The following SLC22A3 variants were observed in gnomAD, a reference collection of about 807,000 sequenced individuals.
SLC22A3 encodes the protein solute carrier family 22 member 3, also known as EMT organic cation transporter 3.
In SLC22A3, 51 loss-of-function variants were observed where a neutral mutation model predicts 59.1. The ratio of observed to expected loss-of-function variants is 0.86; its 90% CI spans 0.69 to 1.09. The LOEUF is 1.09. Among genes scored for constraint, SLC22A3 ranks in the 50% least tolerant of loss-of-function variants. The pLI is 0.00. For missense variants in SLC22A3, 711 were observed against 726.3 expected, an observed-to-expected ratio of 0.98 and a Z score of 0.24; for synonymous variants, 325 against 292.0, an observed-to-expected ratio of 1.11 and a Z score of -1.15.
chr6:160,450,909 C>T, intron 10 of SLC22A3, 87 bp from the exon 11 acceptor site: 1 of 1,249,828 alleles, frequency 8.0e-7, no homozygotes, highest in South Asian at 1.3e-5. Context: ...TTGATCAAAA[C>T]CAGCTATACT....
intron 2 of SLC22A3, among the ~76,000 whole-genome samples, chr6:160,405,022 A>G (rs372221506): frequency 2.7e-4 from 41 of 152,198 alleles, no homozygotes; most frequent in African/African-American, 8.7e-4. Flanking sequence ...CAAAAGCATA[A>G]TCCATGAAAA....
chr6:160,404,072 C>G (rs968388302), intron 2 of SLC22A3, among the ~76,000 whole-genome samples: 3 of 151,514 alleles, frequency 2.0e-5, no homozygotes, highest in Non-Finnish European at 4.4e-5. Context: ...CTCGCTAATA[C>G]AATAAATAAG....
intron 5 of SLC22A3, among the ~76,000 whole-genome samples, chr6:160,420,958 C>T (rs535489260): frequency 3.3e-5 from 5 of 152,332 alleles, no homozygotes; most frequent in South Asian, 4.1e-4. Context: ...TTTCCGCACC[C>T]CTTCCTCCGC....
intron 1 of SLC22A3, among the ~76,000 whole-genome samples, chr6:160,391,249 A>G (rs1368583226): frequency 6.6e-6 from 1 of 152,216 alleles, no homozygotes; most frequent in Admixed American, 6.5e-5. Context: ...TCCAGCAGGT[A>G]AATAGTTGAT....
intron 1 of SLC22A3, among the ~76,000 whole-genome samples, chr6:160,354,703 C>T (rs1784771970): frequency 6.6e-6 from 1 of 152,188 alleles, no homozygotes; most frequent in African/African-American, 2.4e-5. Flanking sequence ...GTCCTATCTA[C>T]TCAGAAGGTT....
rs1788951410 is a variant in SLC22A3 at position 160,451,211 on chromosome 6, A to G, written c.*155A>G. ...CTCAATCTATCCAGAGTATTTTTATATAATGTTGGATGAGTTAGGATTTGT... is the reference window on the plus strand; with the variant it reads ...CTCAATCTATCCAGAGTATTTTTATGTAATGTTGGATGAGTTAGGATTTGT... On this transcript the variant is annotated 3_prime_UTR_variant, in exon 11 of 11. Transcript: ENST00000275300. 2 of 683,312 alleles carry G rather than the reference A, an allele frequency of 2.9e-6. No homozygotes were observed. Among genetic ancestry groups the G allele is most frequent in the Admixed American group, 2.4e-5 (1 of 41,640 alleles). 42.3% of individuals were successfully genotyped at this position (683,312 alleles called of 1,614,324 possible). A position where few individuals can be genotyped will look rare whatever the true frequency, so the allele number is the denominator to read the frequency against.
intron 1 of SLC22A3, among the ~76,000 whole-genome samples, chr6:160,392,186 T>C (rs1351267490): frequency 6.6e-6 from 1 of 152,156 alleles, no homozygotes; most frequent in Non-Finnish European, 1.5e-5. Flanking sequence ...CCCAGTCATG[T>C]GCCAGGCAGA....
In SLC22A3 at chr6:160,431,941, A is replaced by G. The variant is rs116857939; in HGVS notation, c.976-4839A>G. ...GCCAGACCAGGATCTCAACAATCTTATTAAACCATGGTTTTCTTCTCCTCT... is the reference window on the plus strand; with the variant it reads ...GCCAGACCAGGATCTCAACAATCTTGTTAAACCATGGTTTTCTTCTCCTCT... On this transcript the variant is annotated intron_variant, in intron 5 of 10. Transcript: ENST00000275300. 7.0e-3 allele frequency among the ~76,000 whole-genome samples: 1,070 copies of G among 152,304 alleles called. 4 individuals carry two copies. Among genetic ancestry groups the G allele is most frequent in the Non-Finnish European group, 0.012 (845 of 68,020 alleles).
At chr6:160,420,279 T>C (rs1018234862) in intron 5 of SLC22A3, among the ~76,000 whole-genome samples, 1 of 152,190 alleles carries the variant, frequency 6.6e-6, no homozygotes, top group African/African-American at 2.4e-5. Flanking sequence ...TAGGCAGACT[T>C]GTGGGATGCC....
intron 5 of SLC22A3, among the ~76,000 whole-genome samples, chr6:160,413,279 T>A (rs1035832485): frequency 6.6e-6 from 1 of 152,174 alleles, no homozygotes; most frequent in Non-Finnish European, 1.5e-5. Context: ...ACCGTAGAGA[T>A]CATGACAACA....
At chr6:160,364,242 A>G (rs1785124885) in intron 1 of SLC22A3, among the ~76,000 whole-genome samples, 1 of 152,144 alleles carries the variant, frequency 6.6e-6, no homozygotes, top group South Asian at 2.1e-4. Flanking sequence ...ATATTTGTAC[A>G]CTCCATGTGG....
intron 1 of SLC22A3, among the ~76,000 whole-genome samples, chr6:160,354,156 G>A (rs1389040393): frequency 6.6e-6 from 1 of 152,128 alleles, no homozygotes; most frequent in Non-Finnish European, 1.5e-5. Context: ...TTGGACCCAC[G>A]GGTTATTTTT....
At chr6:160,375,968 A>G (rs1004460813) in intron 1 of SLC22A3, among the ~76,000 whole-genome samples, 9 of 152,148 alleles carry the variant, frequency 5.9e-5, no homozygotes, top group Admixed American at 5.9e-4. Context: ...GATAATAATC[A>G]TGTCTACCTC....
intron 3 of SLC22A3, among the ~76,000 whole-genome samples, chr6:160,407,461 A>G (rs1004586280): frequency 1.3e-5 from 2 of 152,180 alleles, no homozygotes; most frequent in African/African-American, 4.8e-5. Flanking sequence ...CTACACTGTT[A>G]TAATATGGTT....
At chr6:160,447,839 C>T (rs765628168) in intron 10 of SLC22A3, 21 bp downstream of exon 10, 2 of 1,547,468 alleles carry the variant, frequency 1.3e-6, no homozygotes, top group Non-Finnish European at 1.8e-6. Context: ...AAATTCAATG[C>T]ACCCTAAATA....
intron 5 of SLC22A3, among the ~76,000 whole-genome samples, chr6:160,416,937 G>C (rs938815639): frequency 2.0e-5 from 3 of 152,232 alleles, no homozygotes; most frequent in African/African-American, 7.2e-5. Context: ...CCACACTTCT[G>C]GTGGTAGTAG....
intron 1 of SLC22A3, 86 bp downstream of exon 1, chr6:160,348,934 G>C (rs1474306229): frequency 1.3e-6 from 2 of 1,531,338 alleles, no homozygotes; most frequent in East Asian, 4.9e-5. Context: ...GACGCTGGCC[G>C]CCAGGGGAGG....
intron 7 of SLC22A3, among the ~76,000 whole-genome samples, chr6:160,440,671 A>T (rs1510230): frequency 0.44 from 66,849 of 151,986 alleles, 15,109 homozygotes; most frequent in South Asian, 0.61. Flanking sequence ...CTTTGTGTGT[A>T]TATATTTATT....
In SLC22A3 at chr6:160,378,809, A is replaced by T. The variant is rs188795659; in HGVS notation, c.430-19170A>T. ...AAAGCCTATTTTGTAATAAAGGGTT[A>T]AATAGCTCATGTAATTTATTGGATA... is the stretch of plus-strand genomic sequence containing the variant. On this transcript the variant is annotated intron_variant, in intron 1 of 10. Coordinates refer to ENST00000275300, the MANE Select transcript of SLC22A3 (RefSeq NM_021977.4). Among the ~76,000 whole-genome samples the T allele has an allele frequency of 1.2e-4, 18 of 152,350 alleles. No individual in the cohort carries two copies. The East Asian group carries it at 3.3e-3, about 28-fold the overall frequency.
Sources: allele counts gnomAD v4.1 joint callset (sites outside exome capture counted in the v4.1 genomes callset), GRCh38; gene constraint gnomAD v4.1.1; transcripts MANE v1.5; gene names NCBI Gene and HGNC (gene_info 2026-07-23, HGNC 2026-07-21).